Variants in PRDM5 observed in about 807,000 individuals in gnomAD.
The protein encoded by PRDM5 is PR/SET domain 5, also known as PR domain zinc finger protein 5.
A neutral mutation model predicts 81.2 loss-of-function variants in PRDM5; 56 were observed. The observed-to-expected ratio is 0.69, with a 90% CI of 0.56 to 0.86. PRDM5 has a LOEUF of 0.86. Among genes scored for constraint, PRDM5 ranks in the 40% least tolerant of loss-of-function variants. The pLI is 0.00. For missense variants in PRDM5, 697 were observed against 770.1 expected, an observed-to-expected ratio of 0.91 and a Z score of 1.12; for synonymous variants, 267 against 256.4, an observed-to-expected ratio of 1.04 and a Z score of -0.39.
At chr4:120,834,697 T>G (rs1757137675) in intron 3 of PRDM5, among the ~76,000 whole-genome samples, 1 of 152,104 alleles carries the variant, frequency 6.6e-6, no homozygotes, top group Non-Finnish European at 1.5e-5. Context: ...TAGAGTAGAC[T>G]CAGTAAAGCA....
downstream of PRDM5, among the ~76,000 whole-genome samples, chr4:120,687,904 C>G (rs756986567): frequency 6.6e-6 from 1 of 152,124 alleles, no homozygotes; most frequent in Non-Finnish European, 1.5e-5. Context: ...TTCCCGACAT[C>G]CAGAACTGTG....
intron 10 of PRDM5, among the ~76,000 whole-genome samples, chr4:120,794,881 C>T (rs1751130714): frequency 6.6e-6 from 1 of 152,152 alleles, no homozygotes; most frequent in South Asian, 2.1e-4. Flanking sequence ...CCACCTCATC[C>T]TCCCAAAGTG....
rs1756937792 is a variant in PRDM5, at chr4:120,833,271, C to T, written c.301-11926G>A. The stretch of plus-strand genomic sequence containing the variant: ...TAATGCTGCCCTGCTTCATCCCACC[C>T]GGGACAGGAGTCCTCCCTTTGTGCA... On this transcript the variant is annotated intron_variant, in intron 3 of 15. Coordinates refer to ENST00000264808, the MANE Select transcript of PRDM5 (RefSeq NM_018699.4). Among the ~76,000 whole-genome samples, 4 of 152,084 alleles carry T rather than the reference C, an allele frequency of 2.6e-5. No homozygotes were observed. The South Asian group carries it at 6.2e-4, about 24-fold the overall frequency.
At chr4:120,717,062 GAA>G (rs5861486) in intron 14 of PRDM5, among the ~76,000 whole-genome samples, 2,275 of 137,648 alleles carry the variant, frequency 0.017, 43 homozygotes, top group African/African-American at 0.052. Flanking sequence ...TGAACATTGT[GAA>G]AAAAAAAAAA....
chr4:120,777,488 T>C (rs754126813), intron 12 of PRDM5, among the ~76,000 whole-genome samples: 1 of 152,144 alleles, frequency 6.6e-6, no homozygotes, highest in Non-Finnish European at 1.5e-5. Flanking sequence ...TTAGTGTTAA[T>C]TTCAAAATCA....
intron 14 of PRDM5, among the ~76,000 whole-genome samples, chr4:120,729,876 G>A (rs767497544): frequency 1.3e-5 from 2 of 152,192 alleles, no homozygotes; most frequent in Non-Finnish European, 2.9e-5. Flanking sequence ...TCATCTTGGT[G>A]TGGTCCCAGC....
At chr4:120,784,811 G>A (rs1300465247) in intron 11 of PRDM5, among the ~76,000 whole-genome samples, 187 bp downstream of exon 11, 2 of 151,996 alleles carry the variant, frequency 1.3e-5, no homozygotes, top group East Asian at 1.9e-4. Context: ...TAATATTACT[G>A]TGGAAAAATA....
intron 13 of PRDM5, among the ~76,000 whole-genome samples, chr4:120,774,986 ATGTG>A (rs1188811941): frequency 2.0e-5 from 3 of 149,474 alleles, no homozygotes; most frequent in African/African-American, 7.3e-5. Context: ...GTATATGTAT[ATGTG>A]TATATATATA....
At chr4:120,873,939 C>T (rs886946112) in intron 2 of PRDM5, among the ~76,000 whole-genome samples, 2 of 152,020 alleles carry the variant, frequency 1.3e-5, no homozygotes, top group African/African-American at 4.8e-5. Context: ...ATTATGTACA[C>T]TTTATTAAAT....
At chr4:120,891,337 T>G (rs985699622) in intron 2 of PRDM5, among the ~76,000 whole-genome samples, 2 of 152,182 alleles carry the variant, frequency 1.3e-5, no homozygotes, top group Admixed American at 1.3e-4. Context: ...TTCATAATTG[T>G]CTCTGAGGGT....
chr4:120,711,913 A>G (rs1737046926), intron 14 of PRDM5, among the ~76,000 whole-genome samples: 1 of 152,144 alleles, frequency 6.6e-6, no homozygotes, highest in Non-Finnish European at 1.5e-5. Context: ...GTGCATCATC[A>G]AAAAGTTTCG....
Position 120,845,087 on chromosome 4 carries a change from TAGCA to T in PRDM5, c.300+8327_300+8330del, listed in dbSNP as rs557325823. ...AAGCTGCAGAAGAAAGGCTGGATGC[TAGCA>T]GAATTATGAGGTCTAAGGAAAGAAG... On this transcript the variant is annotated intron_variant, in intron 3 of 15. Transcript: ENST00000264808. 1.1e-4 allele frequency among the ~76,000 whole-genome samples: 17 copies of T among 152,318 alleles called. No homozygotes were observed. In the East Asian group the frequency reaches 2.7e-3, roughly 24 times the overall value.
At chr4:120,861,717 G>T (rs1406861271) in intron 2 of PRDM5, among the ~76,000 whole-genome samples, 1 of 151,640 alleles carries the variant, frequency 6.6e-6, no homozygotes, top group Non-Finnish European at 1.5e-5. Context: ...AGAATCACTT[G>T]AACCAGGGAG....
intron 3 of PRDM5, among the ~76,000 whole-genome samples, chr4:120,834,604 G>C (rs145686905): frequency 6.6e-6 from 1 of 152,174 alleles, no homozygotes; most frequent in Admixed American, 6.5e-5. Flanking sequence ...TGACTAGGAC[G>C]TGGAGTGTCC....
At position 120,807,957 on chromosome 4, in the gene PRDM5, C is replaced by T. The variant is rs190353190; in HGVS notation, c.945+3413G>A. ...CGGTGAGTGTTACAGTTCTTAAAGG[C>T]GGCACATCTGGAGTTGTTTGCTCCT... On this transcript the variant is annotated intron_variant, in intron 8 of 15. Coordinates refer to ENST00000264808, the MANE Select transcript of PRDM5 (RefSeq NM_018699.4). Among the ~76,000 whole-genome samples the T allele has an allele frequency of 1.2e-3, 185 of 152,120 alleles. 1 individual carries two copies. Among genetic ancestry groups the T allele is most frequent in the African/African-American group, 4.1e-3 (171 of 41,486 alleles).
At chr4:120,832,184 T>C (rs1756798604) in intron 3 of PRDM5, among the ~76,000 whole-genome samples, 1 of 152,124 alleles carries the variant, frequency 6.6e-6, no homozygotes, top group South Asian at 2.1e-4. Context: ...TAACTCACAG[T>C]TCTGCATGGC....
chr4:120,819,239 T>C (rs970221641), intron 4 of PRDM5, among the ~76,000 whole-genome samples: 13 of 152,338 alleles, frequency 8.5e-5, no homozygotes, highest in African/African-American at 3.1e-4. Context: ...TCATACTTTA[T>C]ATACAATTTT....
chr4:120,839,752 C>T (rs1757778366), intron 3 of PRDM5, among the ~76,000 whole-genome samples: 1 of 152,194 alleles, frequency 6.6e-6, no homozygotes, highest in South Asian at 2.1e-4. Flanking sequence ...CTCCTGCCAC[C>T]CTCCATGGAG....
intron 2 of PRDM5, among the ~76,000 whole-genome samples, chr4:120,904,189 C>CAAAAAAAAAAAAAAAA (rs1170050475): frequency 0.015 from 631 of 42,516 alleles, 145 homozygotes; most frequent in East Asian, 0.051. Flanking sequence ...GACTCCTTCT[C>CAAAAAAAAAAAAAAAA]AAAAAAAAAA....
Sources: allele counts gnomAD v4.1 joint callset (sites outside exome capture counted in the v4.1 genomes callset), GRCh38; gene constraint gnomAD v4.1.1; transcripts MANE v1.5; gene names NCBI Gene and HGNC (gene_info 2026-07-23, HGNC 2026-07-21).